PRPSAP2: variants seen among roughly 807,000 people sequenced by gnomAD.
The protein encoded by PRPSAP2 is phosphoribosyl pyrophosphate synthetase associated protein 2.
Under a neutral mutation model 40.6 loss-of-function variants are expected in PRPSAP2, and 24 were observed. That is an observed-to-expected ratio of 0.59 (90% CI 0.43 to 0.83). The LOEUF (loss-of-function observed/expected upper bound fraction) is 0.83, where lower values mean the gene tolerates loss of function less well. PRPSAP2 is among the 40% of genes least tolerant of loss of function. The probability of loss-of-function intolerance (pLI) is 0.00; values close to 1 mark genes in which losing one functional copy is unlikely to be tolerated. For missense variants in PRPSAP2, 292 were observed against 465.6 expected (o/e 0.63, Z 3.43); for synonymous variants, 149 against 164.7 (o/e 0.90, Z 0.73).
At chr17:18,857,853 G>T, upstream of PRPSAP2, 1 of 152,406 alleles carries the variant, frequency 6.6e-6, no homozygotes, top group Non-Finnish European at 1.5e-5. Context: ...CTTGAACCCA[G>T]GTATTTGTAA....
chr17:18,922,232 TA>T (rs1295597694), intron 9 of PRPSAP2, among the ~76,000 whole-genome samples: 1 of 152,270 alleles, frequency 6.6e-6, no homozygotes, highest in Non-Finnish European at 1.5e-5. Context: ...CACTTTTGGC[TA>T]TGCTGCTCTG....
chr17:18,856,465 C>G (rs192705723), upstream of PRPSAP2: 74 of 151,218 alleles, frequency 4.9e-4, no homozygotes, highest in African/African-American at 1.6e-3. Flanking sequence ...GGGTCTTGCT[C>G]TTTACAAAGA....
At chr17:18,877,090 G>T (rs2038354948) in intron 5 of PRPSAP2, among the ~76,000 whole-genome samples, 1 of 152,184 alleles carries the variant, frequency 6.6e-6, no homozygotes. Context: ...AGAAACCAAG[G>T]GTGGAAGGAG....
At chr17:18,882,259 C>T (rs2038811869) in intron 6 of PRPSAP2, among the ~76,000 whole-genome samples, 1 of 151,882 alleles carries the variant, frequency 6.6e-6, no homozygotes, top group Non-Finnish European at 1.5e-5. Context: ...TGCCTGTATT[C>T]CCAGCACTTT....
At position 18,885,785 on chromosome 17, in the gene PRPSAP2, C is replaced by T. The variant is rs145534263; in HGVS notation, c.528+3102C>T. Among the ~76,000 whole-genome samples, 792 of 152,248 alleles carry T rather than the reference C, an allele frequency of 5.2e-3. 3 individuals are homozygous for T. The highest frequency in any genetic ancestry group is 0.024 in the Middle Eastern group (7 of 294). On this transcript the variant is annotated intron_variant, in intron 7 of 11. Transcript: ENST00000268835. ...TATTTTTAGTAGAGACAGGGTTTCT[C>T]CTTGTTGGTCAGGCTGGTCTCGAAC...
At chr17:18,896,840 GCT>G (rs1479886648) in intron 8 of PRPSAP2, among the ~76,000 whole-genome samples, 47 of 152,212 alleles carry the variant, frequency 3.1e-4, no homozygotes, top group African/African-American at 1.1e-3. Flanking sequence ...ACCAGTGGTT[GCT>G]AGTCTTCTGT....
At chr17:18,867,480 T>C (rs2037519015) in intron 4 of PRPSAP2, 146 bp downstream of exon 4, 1 of 948,100 alleles carries the variant, frequency 1.1e-6, no homozygotes, top group Non-Finnish European at 1.6e-6. Flanking sequence ...TAGAACAGAG[T>C]GGTTTTTTAG....
At chr17:18,883,940 C>T (rs1014021134) in intron 7 of PRPSAP2, among the ~76,000 whole-genome samples, 3 of 146,666 alleles carry the variant, frequency 2.0e-5, no homozygotes, top group Non-Finnish European at 3.0e-5. Flanking sequence ...AAATATTCTG[C>T]TTTTTTTTTT....
intron 4 of PRPSAP2, among the ~76,000 whole-genome samples, chr17:18,869,589 G>A (rs1267000377): frequency 1.3e-5 from 2 of 149,390 alleles, no homozygotes; most frequent in East Asian, 1.9e-4. Context: ...TGCCACCTCC[G>A]CCTCCCAGGT....
chr17:18,901,252 T>C (rs145763536), intron 8 of PRPSAP2, among the ~76,000 whole-genome samples: 1 of 152,344 alleles, frequency 6.6e-6, no homozygotes, highest in African/African-American at 2.4e-5. Flanking sequence ...CTGGCATTTT[T>C]GGGTCGCTTC....
chr17:18,858,483 G>T (rs1023908390), intron 1 of PRPSAP2: 6 of 152,562 alleles, frequency 3.9e-5, no homozygotes, highest in African/African-American at 1.4e-4. Context: ...GCGGGGGCGG[G>T]GGACGGGCGT....
chr17:18,866,046 G>T, intron 3 of PRPSAP2, 94 bp downstream of exon 3: 1 of 853,430 alleles, frequency 1.2e-6, no homozygotes, highest in South Asian at 5.4e-5. Flanking sequence ...TTTGAAAGCA[G>T]ATATTTTATA....
intron 4 of PRPSAP2, among the ~76,000 whole-genome samples, chr17:18,870,231 A>G (rs1322049940): frequency 1.3e-5 from 2 of 152,092 alleles, no homozygotes; most frequent in African/African-American, 4.8e-5. Context: ...GTATGTGGCG[A>G]ACCATTTGAA....
At chr17:18,929,358 A>AAAT (rs60559123) in intron 11 of PRPSAP2, among the ~76,000 whole-genome samples, 57,539 of 144,572 alleles carry the variant, frequency 0.4, 11,599 homozygotes, top group Non-Finnish European at 0.44. Flanking sequence ...CTCTTGTCTC[A>AAAT]AATAATAATA....
chr17:18,906,631 G>A (rs2040605849), intron 8 of PRPSAP2, among the ~76,000 whole-genome samples: 1 of 152,128 alleles, frequency 6.6e-6, no homozygotes, highest in Admixed American at 6.6e-5. Context: ...GGGATTACAG[G>A]TGTGAGCCAT....
intron 3 of PRPSAP2, among the ~76,000 whole-genome samples, chr17:18,866,941 A>G (rs11868500): frequency 0.54 from 81,177 of 151,476 alleles, 22,034 homozygotes; most frequent in Middle Eastern, 0.6. Context: ...TGGAGGCAGA[A>G]CCCCCCCAAG....
chr17:18,900,221 C>T (rs1480269957), intron 8 of PRPSAP2, among the ~76,000 whole-genome samples: 1 of 152,158 alleles, frequency 6.6e-6, no homozygotes, highest in African/African-American at 2.4e-5. Flanking sequence ...GGGGTTTTGC[C>T]ATGTTGGCCA....
At chr17:18,884,908 TC>T (rs1397866941) in intron 7 of PRPSAP2, among the ~76,000 whole-genome samples, 1 of 152,148 alleles carries the variant, frequency 6.6e-6, no homozygotes, top group Non-Finnish European at 1.5e-5. Context: ...TGTGCCAATG[TC>T]TCAAGGCACA....
In PRPSAP2 at chr17:18,930,716, C is replaced by T; in HGVS notation, c.*18C>T. 6.3e-7 allele frequency: 1 copy of T among 1,597,850 alleles called. No homozygotes were observed. Among genetic ancestry groups the T allele is most frequent in the Non-Finnish European group, 8.5e-7 (1 of 1,169,604 alleles). On this transcript the variant is annotated 3_prime_UTR_variant, in exon 12 of 12. Transcript: ENST00000268835. ...ATGACTGAGTTTTCCTTTAGGAAAA[C>T]TCCCGAGGGCCAAACTGGAAACATA...
Sources: allele counts gnomAD v4.1 joint callset (sites outside exome capture counted in the v4.1 genomes callset), GRCh38; gene constraint gnomAD v4.1.1; transcripts MANE v1.5; gene names NCBI Gene and HGNC (gene_info 2026-07-23, HGNC 2026-07-21).